SIK2: variants seen among roughly 807,000 people sequenced by gnomAD.
SIK2 encodes the protein serine/threonine-protein kinase SIK2.
SIK2 carries 29 observed loss-of-function variants against 103.2 expected under a neutral mutation model. That is an observed-to-expected ratio of 0.28 (90% CI 0.21 to 0.38). SIK2 has a LOEUF of 0.38. Ranked by LOEUF, SIK2 falls within the 10% of genes least tolerant of loss-of-function variation. The probability of loss-of-function intolerance (pLI) is 1.00; values close to 1 mark genes in which losing one functional copy is unlikely to be tolerated. For missense variants in SIK2, 879 were observed against 1,171.0 expected (o/e 0.75, Z 3.64); for synonymous variants, 412 against 446.1 (o/e 0.92, Z 0.96).
chr11:111,678,475 T>G (rs573708433), intron 3 of SIK2, among the ~76,000 whole-genome samples: 3 of 152,344 alleles, frequency 2.0e-5, no homozygotes, highest in Non-Finnish European at 2.9e-5. Context: ...GCTTTGAGAT[T>G]GACCTGAAAA....
intron 4 of SIK2, among the ~76,000 whole-genome samples, chr11:111,691,327 A>T (rs1228364736): frequency 2.0e-5 from 3 of 152,200 alleles, no homozygotes; most frequent in Non-Finnish European, 4.4e-5. Flanking sequence ...CTCACATTTA[A>T]TTGGGCCCTC....
chr11:111,668,897 G>C (rs910035483), intron 3 of SIK2, among the ~76,000 whole-genome samples: 1 of 152,216 alleles, frequency 6.6e-6, no homozygotes, highest in Non-Finnish European at 1.5e-5. Context: ...GAAAGGATTT[G>C]TTGATGGATT....
At chr11:111,637,396 A>G (rs1942122834) in intron 3 of SIK2, among the ~76,000 whole-genome samples, 1 of 150,728 alleles carries the variant, frequency 6.6e-6, no homozygotes, top group Non-Finnish European at 1.5e-5. Context: ...CAGATTTGTT[A>G]CATAGGTAAA....
Position 111,727,002 on chromosome 11 carries a change from A to G in SIK2, c.*2873A>G. ...TTGGGAGAAATGCACTAGCTCTGCA[A>G]TTCCCAGCTGGGCAAGTGTGTCTCT... On this transcript the variant is annotated 3_prime_UTR_variant, in exon 15 of 15. Coordinates refer to ENST00000304987, the MANE Select transcript of SIK2 (RefSeq NM_015191.3). 1 of 1,614,126 alleles carries G rather than the reference A, an allele frequency of 6.2e-7. No homozygotes were observed. Among genetic ancestry groups the G allele is most frequent in the Non-Finnish European group, 8.5e-7 (1 of 1,180,010 alleles).
rs1424666181 is a variant in SIK2 at position 111,728,937 on chromosome 11, A to C, written c.*4808A>C. On this transcript the variant is annotated 3_prime_UTR_variant, in exon 15 of 15. Coordinates refer to ENST00000304987, the MANE Select transcript of SIK2 (RefSeq NM_015191.3). ...AGACTCCACCTCAAAAAAAAAAAAA[A>C]AGACAAGAGCAGTATCATCTGCCTC... The C allele has an allele frequency of 1.3e-5, 2 of 152,160 alleles. No individual in the cohort carries two copies. The highest frequency in any genetic ancestry group is 4.8e-5 in the African/African-American group (2 of 41,408). 9.4% of individuals were successfully genotyped at this position (152,160 alleles called of 1,614,324 possible). A position where few individuals can be genotyped will look rare whatever the true frequency, so the allele number is the denominator to read the frequency against.
intron 4 of SIK2, among the ~76,000 whole-genome samples, chr11:111,691,961 C>CT (rs1481753653): frequency 1.3e-5 from 2 of 152,104 alleles, no homozygotes; most frequent in Non-Finnish European, 2.9e-5. Context: ...AGGAGAAAGA[C>CT]TAACTCTGTC....
chr11:111,651,786 T>C (rs1466426983), intron 3 of SIK2, among the ~76,000 whole-genome samples: 2 of 152,212 alleles, frequency 1.3e-5, no homozygotes, highest in Non-Finnish European at 2.9e-5. Flanking sequence ...TGGCAAGAAC[T>C]CCATTTTAAT....
Position 111,729,272 on chromosome 11 carries a change from C to CAGAT in SIK2, c.*5147_*5150dup, listed in dbSNP as rs759490007. On this transcript the variant is annotated 3_prime_UTR_variant, in exon 15 of 15. Coordinates refer to ENST00000304987, the MANE Select transcript of SIK2 (RefSeq NM_015191.3). ...GCAGACTCAGGCACACACTGGGGCACAGATAGAGAACCAGGCGGCAGCAGT... is the reference window on the plus strand; with the variant it reads ...GCAGACTCAGGCACACACTGGGGCACAGATAGATAGAGAACCAGGCGGCAGCAGT... 6.6e-6 allele frequency: 1 copy of CAGAT among 152,306 alleles called. No homozygotes were observed. The highest frequency in any genetic ancestry group is 1.9e-4 in the East Asian group (1 of 5,202). The allele number at this position is 152,306 out of a possible 1,614,324, so 9.4% of individuals were successfully genotyped here. A position where few individuals can be genotyped will look rare whatever the true frequency, so the allele number is the denominator to read the frequency against.
intron 4 of SIK2, among the ~76,000 whole-genome samples, chr11:111,689,705 G>GGT: frequency 6.6e-6 from 1 of 152,100 alleles, no homozygotes; most frequent in Non-Finnish European, 1.5e-5. Flanking sequence ...TAGCTTCCTC[G>GGT]GTTTGCTGTA....
chr11:111,609,263 G>A lies in SIK2; in HGVS notation c.135+6565G>A, dbSNP rs116275743. Among the ~76,000 whole-genome samples, 1,057 of 151,648 alleles carry A rather than the reference G, an allele frequency of 7.0e-3. 13 individuals carry two copies. Among genetic ancestry groups the A allele is most frequent in the African/African-American group, 0.024 (1,010 of 41,274 alleles). On this transcript the variant is annotated intron_variant, in intron 1 of 14. Coordinates refer to ENST00000304987, the MANE Select transcript of SIK2 (RefSeq NM_015191.3). ...TAATTTTTGTGAGTATATAACTATC[G>A]GACCATTTACCTTTTCCCCCAATCT...
intron 9 of SIK2, among the ~76,000 whole-genome samples, chr11:111,719,363 T>A (rs1270820489): frequency 4.0e-5 from 6 of 149,182 alleles, no homozygotes; most frequent in Non-Finnish European, 6.0e-5. Context: ...CCCCTTTTTT[T>A]TTTTTTTTTT....
intron 9 of SIK2, 116 bp from the exon 10 acceptor site, chr11:111,719,659 T>C: frequency 1.2e-5 from 12 of 991,242 alleles, no homozygotes; most frequent in Non-Finnish European, 1.7e-5. Context: ...AATATGTGCA[T>C]GTTTAAATAT....
intron 11 of SIK2, 49 bp from the exon 12 acceptor site, chr11:111,720,850 A>C (rs1565394817): frequency 1.3e-6 from 2 of 1,594,064 alleles, no homozygotes; most frequent in East Asian, 2.2e-5. Flanking sequence ...TGGTCACTGA[A>C]AGGCCTTGTA....
rs1942149392 is a variant in SIK2 at position 111,639,200 on chromosome 11, A to C, written c.316+18798A>C. Among the ~76,000 whole-genome samples, 3 of 152,136 alleles carry C rather than the reference A, an allele frequency of 2.0e-5. No homozygotes were observed. In the South Asian group the frequency reaches 6.2e-4, roughly 32 times the overall value. On this transcript the variant is annotated intron_variant, in intron 3 of 14. Coordinates refer to ENST00000304987, the MANE Select transcript of SIK2 (RefSeq NM_015191.3). Reference sequence around the variant, plus strand: ...CACAACACCTTGTCATTCTTTGCCAAACCTTATAGAACTTCATCCTAGGCA... The same window carrying C: ...CACAACACCTTGTCATTCTTTGCCACACCTTATAGAACTTCATCCTAGGCA...
intron 3 of SIK2, among the ~76,000 whole-genome samples, chr11:111,686,260 G>A (rs1942844484): frequency 1.3e-5 from 2 of 152,118 alleles, no homozygotes; most frequent in Admixed American, 1.3e-4. Flanking sequence ...GGGCAACATG[G>A]TGAAACCTCG....
At chr11:111,663,998 C>T (rs555150637) in intron 3 of SIK2, among the ~76,000 whole-genome samples, 68 of 152,164 alleles carry the variant, frequency 4.5e-4, no homozygotes, top group Non-Finnish European at 8.1e-4. Flanking sequence ...GCTACACCCT[C>T]CCCCACTCCC....
At position 111,722,467 on chromosome 11, in the gene SIK2, G is replaced by GT. The variant is rs145262921; in HGVS notation, c.2056-197dup. Among the ~76,000 whole-genome samples, 1,135 of 152,356 alleles carry GT rather than the reference G, an allele frequency of 7.4e-3. 8 individuals carry two copies. The highest frequency in any genetic ancestry group is 0.061 in the Middle Eastern group (18 of 294). On this transcript the variant is annotated intron_variant, in intron 13 of 14. Transcript: ENST00000304987. This position sits in a 1 kb window ranked among gnomAD's most constrained non-coding sequence, Gnocchi z 4.4. The stretch of plus-strand genomic sequence containing the variant: ...TTTGGAAATGGAGTGGAAAAAGGAA[G>GT]TAGGTGAGGTCAGAGATGGCCCAGG...
intron 1 of SIK2, among the ~76,000 whole-genome samples, chr11:111,611,423 A>C (rs1036935281): frequency 1.3e-5 from 2 of 152,170 alleles, no homozygotes; most frequent in African/African-American, 4.8e-5. Flanking sequence ...CCTACTAACT[A>C]TCTGAAACAA....
chr11:111,627,244 A>G (rs758105948), intron 3 of SIK2, among the ~76,000 whole-genome samples: 2 of 152,182 alleles, frequency 1.3e-5, no homozygotes, highest in African/African-American at 4.8e-5. Flanking sequence ...AATAACATTA[A>G]TCAAGTAGTG....
Sources: allele counts gnomAD v4.1 joint callset (sites outside exome capture counted in the v4.1 genomes callset), GRCh38; gene constraint gnomAD v4.1.1; non-coding constraint Gnocchi (gnomAD v3.1); transcripts MANE v1.5; gene names NCBI Gene and HGNC (gene_info 2026-07-23, HGNC 2026-07-21).